Variants in SNAP91 observed in about 807,000 individuals in gnomAD.
The protein encoded by SNAP91 is clathrin coat assembly protein AP180.
Under a neutral mutation model 100.3 loss-of-function variants are expected in SNAP91, and 27 were observed. The observed-to-expected ratio is 0.27, with a 90% CI of 0.20 to 0.37. The LOEUF (loss-of-function observed/expected upper bound fraction) is 0.37. SNAP91 is among the 10% of genes least tolerant of loss of function. The pLI is 1.00. For synonymous variants in SNAP91, 404 were observed against 398.6 expected, an observed-to-expected ratio of 1.01 and a Z score of -0.16; for missense variants, 986 against 1,123.7, an observed-to-expected ratio of 0.88 and a Z score of 1.75.
At chr6:83,568,285 A>C (rs1339843946) in intron 26 of SNAP91, among the ~76,000 whole-genome samples, 1 of 152,064 alleles carries the variant, frequency 6.6e-6, no homozygotes, top group Admixed American at 6.5e-5. Context: ...CATAGGTGGG[A>C]ATTGAACAAT....
intron 22 of SNAP91, among the ~76,000 whole-genome samples, chr6:83,585,900 G>C (rs1323375947): frequency 6.6e-6 from 1 of 150,474 alleles, no homozygotes; most frequent in Non-Finnish European, 1.5e-5. Context: ...CACCAGGCTG[G>C]AGTGCAATGG....
chr6:83,566,401 A>G (rs902771748), intron 26 of SNAP91, among the ~76,000 whole-genome samples: 3 of 152,326 alleles, frequency 2.0e-5, no homozygotes, highest in Non-Finnish European at 2.9e-5. Flanking sequence ...GAAAATACCT[A>G]TAAAATTATA....
chr6:83,668,431 G>C (rs1231558134), intron 2 of SNAP91, among the ~76,000 whole-genome samples: 1 of 152,082 alleles, frequency 6.6e-6, no homozygotes, highest in East Asian at 1.9e-4. Context: ...GAACCAACCC[G>C]AATGTCCATC....
intron 2 of SNAP91, chr6:83,678,695 C>G: frequency 8.4e-7 from 1 of 1,194,680 alleles, no homozygotes; most frequent in Non-Finnish European, 1.1e-6. Context: ...CTTCTACCTT[C>G]CACTCCTGCT....
intron 16 of SNAP91, 136 bp from the exon 17 acceptor site, chr6:83,594,617 T>C: frequency 1.8e-6 from 1 of 567,644 alleles, no homozygotes; most frequent in Non-Finnish European, 3.1e-6. Flanking sequence ...TTATGGCCCA[T>C]GCGCTGTCGG....
chr6:83,593,263 A>G lies in SNAP91; in HGVS notation c.1697-4T>C. 6.3e-7 allele frequency: 1 copy of G among 1,585,792 alleles called. No homozygotes were observed. Among genetic ancestry groups the G allele is most frequent in the Non-Finnish European group, 8.6e-7 (1 of 1,165,422 alleles). On this transcript the variant is annotated splice_region_variant and splice_polypyrimidine_tract_variant and intron_variant, in intron 18 of 29. Transcript: ENST00000369694. Reference sequence around the variant, plus strand: ...TCAGGAGTGGACTCAAATAAATCTAAGACCAAGAACACACATGCCTTTACT... The same window carrying G: ...TCAGGAGTGGACTCAAATAAATCTAGGACCAAGAACACACATGCCTTTACT...
chr6:83,658,487 C>T (rs1310160425), intron 6 of SNAP91, among the ~76,000 whole-genome samples: 3 of 152,006 alleles, frequency 2.0e-5, no homozygotes, highest in African/African-American at 7.2e-5. Flanking sequence ...CGGGCGCCTG[C>T]AGTCCCAGCT....
chr6:83,679,572 C>A (rs1369757529), intron 2 of SNAP91, among the ~76,000 whole-genome samples: 1 of 152,118 alleles, frequency 6.6e-6, no homozygotes, highest in East Asian at 1.9e-4. Flanking sequence ...CAAGGCCCTG[C>A]ACATCTGAGA....
At chr6:83,687,905 C>A (rs1031998346) in intron 2 of SNAP91, among the ~76,000 whole-genome samples, 5 of 152,100 alleles carry the variant, frequency 3.3e-5, no homozygotes, top group Non-Finnish European at 1.5e-5. Flanking sequence ...TTGGCTTGAG[C>A]AACTGAATAG....
chr6:83,600,792 T>C (rs945658235), intron 16 of SNAP91, among the ~76,000 whole-genome samples: 1 of 152,198 alleles, frequency 6.6e-6, no homozygotes, highest in Non-Finnish European at 1.5e-5. Flanking sequence ...TTAACTCTCT[T>C]CAAAGGCTTC....
intron 2 of SNAP91, among the ~76,000 whole-genome samples, chr6:83,681,156 T>C (rs2098983981): frequency 6.6e-6 from 1 of 152,178 alleles, no homozygotes; most frequent in African/African-American, 2.4e-5. Flanking sequence ...GAAATTACCT[T>C]TTTTGTCAGT....
intron 9 of SNAP91, among the ~76,000 whole-genome samples, chr6:83,621,625 T>C (rs2096732455): frequency 6.6e-6 from 1 of 152,164 alleles, no homozygotes; most frequent in South Asian, 2.1e-4. Context: ...TCCAAGTATA[T>C]GATTTCAATG....
At chr6:83,563,565 C>A (rs1791787372) in intron 26 of SNAP91, among the ~76,000 whole-genome samples, 1 of 152,122 alleles carries the variant, frequency 6.6e-6, no homozygotes, top group Admixed American at 6.5e-5. Flanking sequence ...GAAACTATCT[C>A]TATTCATCGA....
At chr6:83,677,727 T>C (rs1488604166) in intron 2 of SNAP91, among the ~76,000 whole-genome samples, 1 of 152,242 alleles carries the variant, frequency 6.6e-6, no homozygotes, top group Non-Finnish European at 1.5e-5. Context: ...GCTGTAATAC[T>C]ACATTGCTTT....
At position 83,707,828 on chromosome 6, in the gene SNAP91, C is replaced by T; in HGVS notation, c.100G>A (p.Val34Ile). 1 of 1,613,454 alleles carries T rather than the reference C, an allele frequency of 6.2e-7. No homozygotes were observed. The highest frequency in any genetic ancestry group is 8.5e-7 in the Non-Finnish European group (1 of 1,179,682). ...AGGTGCTTTTTCTTGGGGCCCATTA[C>T]TTCATGAGTAGTGGCTTTGCAGACC... is the stretch of plus-strand genomic sequence containing the variant. ...RAVCKATTHE[V>I]MGPKKKHLDY... The change falls in exon 2 of 30, where the codon GTA (valine) becomes ATA (isoleucine). Residue 34 changes from valine to isoleucine, a missense_variant. Physicochemically the swap from Val to Ile is conservative, Grantham distance 29 (BLOSUM62 3). Transcript: ENST00000369694.
intron 2 of SNAP91, among the ~76,000 whole-genome samples, chr6:83,703,100 T>C (rs2099336035): frequency 6.6e-6 from 1 of 151,900 alleles, no homozygotes; most frequent in African/African-American, 2.4e-5. Flanking sequence ...CTGGGTCTTC[T>C]GGTAAAATCA....
In SNAP91 at chr6:83,690,562, A is replaced by G. The variant is rs1429264442; in HGVS notation, c.130+17236T>C. 3 of 372,950 alleles carry G rather than the reference A, an allele frequency of 8.0e-6. No individual in the cohort carries two copies. In the East Asian group the frequency reaches 2.5e-4, roughly 31 times the overall value. 23.1% of individuals were successfully genotyped at this position (372,950 alleles called of 1,614,324 possible). On this transcript the variant is annotated intron_variant, in intron 2 of 29. Transcript: ENST00000369694. ...TATCCATTTTGACTAACGTACCTCT[A>G]AAGAAAGAGAAAGCCTACTAAAATC...
chr6:83,655,551 T>C (rs1049578996), intron 7 of SNAP91, among the ~76,000 whole-genome samples: 2 of 152,210 alleles, frequency 1.3e-5, no homozygotes, highest in Admixed American at 6.5e-5. Context: ...TTGGAAAAAA[T>C]GCTCTTGGTT....
At chr6:83,608,280 A>G (rs2095773654) in intron 12 of SNAP91, among the ~76,000 whole-genome samples, 1 of 152,212 alleles carries the variant, frequency 6.6e-6, no homozygotes, top group Non-Finnish European at 1.5e-5. Flanking sequence ...AATAGTTCAC[A>G]GTTGGAAGAG....
Sources: gnomAD v4.1 joint callset for allele counts (sites outside exome capture counted in the v4.1 genomes callset) on GRCh38, gnomAD v4.1.1 for gene constraint, MANE v1.5 for transcripts, NCBI Gene and HGNC (gene_info 2026-07-23, HGNC 2026-07-21) for gene names.